Variants in UNC13C observed in about 807,000 individuals in gnomAD.
The protein encoded by UNC13C is protein unc-13 homolog C.
A neutral mutation model predicts 245.4 loss-of-function variants in UNC13C; 174 were observed. That is an observed-to-expected ratio of 0.71 (90% CI 0.63 to 0.80). The LOEUF is 0.80. Among genes scored for constraint, UNC13C ranks in the 30% least tolerant of loss-of-function variants. UNC13C has a pLI of 0.00. For synonymous variants in UNC13C, 992 were observed against 895.1 expected (o/e 1.11, Z -1.93); for missense variants, 2,829 against 2,602.9 (o/e 1.09, Z -1.89).
chr15:53,972,247 T>G, the UNC13C span, among the ~76,000 whole-genome samples: 2 of 152,314 alleles, frequency 1.3e-5, no homozygotes, highest in East Asian at 1.9e-4. Flanking sequence ...TTATAAGAGC[T>G]TCTTTTTCCC....
Position 54,338,487 on chromosome 15 carries a change from C to A in UNC13C, c.4711C>A (p.Pro1571Thr). ...CHELYSQLTD[P>T]SKKQDIPRED... is the part of the protein sequence containing the mutation. ...TGAACTCTACTCCCAGCTAACAGAC[C>A]CGGTAAGAAAATATGTATGTCTTTT... Residue 1571 changes from proline to threonine, a missense_variant and splice_region_variant, in exon 17 of 33, where the codon CCG becomes ACG. Coordinates refer to ENST00000260323, the MANE Select transcript of UNC13C (RefSeq NM_001080534.3). The A allele has an allele frequency of 6.2e-7, 1 of 1,612,196 alleles. No individual in the cohort carries two copies. Among genetic ancestry groups the A allele is most frequent in the Non-Finnish European group, 8.5e-7 (1 of 1,178,746 alleles).
At chr15:53,993,136 CT>C (rs1240480291) in intron 1 of UNC13C, among the ~76,000 whole-genome samples, 1 of 152,054 alleles carries the variant, frequency 6.6e-6, no homozygotes, top group East Asian at 1.9e-4. Flanking sequence ...TATCAATTTT[CT>C]TAGGTCAGAT....
intron 30 of UNC13C, among the ~76,000 whole-genome samples, chr15:54,603,435 T>C (rs1426600159): frequency 2.0e-5 from 3 of 152,176 alleles, no homozygotes; most frequent in Non-Finnish European, 4.4e-5. Flanking sequence ...TATTCCACAG[T>C]TAAATTGCTG....
chr15:54,321,217 T>C, intron 13 of UNC13C: 1 of 493,266 alleles, frequency 2.0e-6, no homozygotes, highest in South Asian at 1.5e-5. Context: ...TATGGAGCCA[T>C]GGTCATCAAA....
intron 28 of UNC13C, 78 bp downstream of exon 28, chr15:54,549,769 A>C: frequency 1.2e-6 from 1 of 869,490 alleles, no homozygotes. Flanking sequence ...TCCTCCTAGT[A>C]ATAGTATCTA....
Position 54,015,742 on chromosome 15 carries a change from A to G in UNC13C, c.2839A>G (p.Ile947Val). 1 of 1,613,376 alleles carries G rather than the reference A, an allele frequency of 6.2e-7. No homozygotes were observed. The highest frequency in any genetic ancestry group is 1.1e-5 in the South Asian group (1 of 91,034). Residue 947 changes from isoleucine (I) to valine (V), a missense_variant, in exon 2 of 33, where the codon ATA becomes GTA. Physicochemically the swap from Ile to Val is conservative, Grantham distance 29 (BLOSUM62 3). Coordinates refer to ENST00000260323, the MANE Select transcript of UNC13C (RefSeq NM_001080534.3). ...PLNETSAEME[I>V]REDENQNIPE... ...AAATGAAACATCAGCTGAGATGGAAATAAGAGAAGATGAAAACCAAAACAT... is the reference window on the plus strand; with the variant it reads ...AAATGAAACATCAGCTGAGATGGAAGTAAGAGAAGATGAAAACCAAAACAT...
chr15:54,583,861 A>C (rs1898325546), intron 30 of UNC13C, among the ~76,000 whole-genome samples: 2 of 152,190 alleles, frequency 1.3e-5, no homozygotes, highest in Admixed American at 1.3e-4. Context: ...GGCCAACACC[A>C]GAGTCCTGTG....
intron 17 of UNC13C, among the ~76,000 whole-genome samples, chr15:54,344,675 C>T (rs979022891): frequency 3.8e-4 from 58 of 152,316 alleles, no homozygotes; most frequent in African/African-American, 1.3e-3. Context: ...TATCTCCCCT[C>T]AGTTGGCTGC....
intron 30 of UNC13C, among the ~76,000 whole-genome samples, chr15:54,597,092 GT>G (rs1251663142): frequency 1.3e-5 from 2 of 152,140 alleles, no homozygotes; most frequent in Non-Finnish European, 2.9e-5. Context: ...CTCATAAGGA[GT>G]GCACAACCCA....
intron 17 of UNC13C, among the ~76,000 whole-genome samples, chr15:54,367,540 C>G (rs139172642): frequency 6.6e-6 from 1 of 152,082 alleles, no homozygotes; most frequent in Admixed American, 6.6e-5. Context: ...CTTTCTTGCC[C>G]CTGTCCATAC....
At chr15:54,431,700 AT>A (rs761838381) in intron 19 of UNC13C, among the ~76,000 whole-genome samples, 1 of 151,644 alleles carries the variant, frequency 6.6e-6, no homozygotes, top group Non-Finnish European at 1.5e-5. Flanking sequence ...TTCTGTATAA[AT>A]TGGAAAATCA....
chr15:54,529,879 A>G (rs1895656348), intron 25 of UNC13C, among the ~76,000 whole-genome samples: 1 of 150,048 alleles, frequency 6.7e-6, no homozygotes, highest in South Asian at 2.1e-4. Flanking sequence ...ATTTGTTATT[A>G]TTACTCCTAT....
intron 30 of UNC13C, among the ~76,000 whole-genome samples, chr15:54,609,815 G>C (rs146792713): frequency 6.6e-6 from 1 of 152,190 alleles, no homozygotes; most frequent in Non-Finnish European, 1.5e-5. Flanking sequence ...TTACAGTTCA[G>C]CATGGCTGGG....
chr15:54,337,056 A>G (rs2038595917), intron 16 of UNC13C, among the ~76,000 whole-genome samples: 1 of 152,166 alleles, frequency 6.6e-6, no homozygotes, highest in African/African-American at 2.4e-5. Context: ...GTTTTTGACC[A>G]CACTGTAATC....
the UNC13C span, among the ~76,000 whole-genome samples, chr15:53,878,069 T>C: frequency 2.6e-5 from 4 of 152,206 alleles, no homozygotes; most frequent in Non-Finnish European, 5.9e-5. Flanking sequence ...ATATACCACA[T>C]TTGTTTATCC....
At chr15:53,943,296 T>A in the UNC13C span, among the ~76,000 whole-genome samples, 1 of 152,200 alleles carries the variant, frequency 6.6e-6, no homozygotes, top group Non-Finnish European at 1.5e-5. Flanking sequence ...TAAGACAAAA[T>A]CACATTCTCT....
At chr15:54,247,765 GTT>G (rs78152864) in intron 7 of UNC13C, among the ~76,000 whole-genome samples, 7,196 of 144,092 alleles carry the variant, frequency 0.05, 246 homozygotes, top group African/African-American at 0.096. Flanking sequence ...AATGTTTCAT[GTT>G]TTTTTTTTTT....
At chr15:53,855,629 C>G in the UNC13C span, among the ~76,000 whole-genome samples, 1 of 152,108 alleles carries the variant, frequency 6.6e-6, no homozygotes, top group African/African-American at 2.4e-5. Context: ...ACCAAGCTTG[C>G]ACCCTAGGAA....
At chr15:54,578,448 G>A (rs912275444) in intron 30 of UNC13C, among the ~76,000 whole-genome samples, 2 of 152,158 alleles carry the variant, frequency 1.3e-5, no homozygotes, top group African/African-American at 4.8e-5. Context: ...GAATATCAGT[G>A]ATTAGAATCC....
Sources: gnomAD v4.1 joint callset for allele counts (sites outside exome capture counted in the v4.1 genomes callset) on GRCh38, gnomAD v4.1.1 for gene constraint, MANE v1.5 for transcripts, NCBI Gene and HGNC (gene_info 2026-07-23, HGNC 2026-07-21) for gene names.